SYT1: variants seen among roughly 807,000 people sequenced by gnomAD.
SYT1 encodes synaptotagmin 1, also known as synaptotagmin-1.
A neutral mutation model predicts 44.8 loss-of-function variants in SYT1; 8 were observed. The ratio of observed to expected loss-of-function variants is 0.18; its 90% CI spans 0.10 to 0.32. The LOEUF is 0.32. Ranked by LOEUF, SYT1 falls within the 10% of genes least tolerant of loss-of-function variation. The pLI is 1.00. For synonymous variants in SYT1, 154 were observed against 188.8 expected (o/e 0.82, Z 1.51); for missense variants, 286 against 509.3 (o/e 0.56, Z 4.22).
intron 2 of SYT1, among the ~76,000 whole-genome samples, chr12:78,986,960 T>C (rs748819503): frequency 1.3e-5 from 2 of 152,018 alleles, no homozygotes; most frequent in African/African-American, 2.4e-5. Flanking sequence ...AATACTAAAG[T>C]TTTATGAAGC....
intron 8 of SYT1, among the ~76,000 whole-genome samples, chr12:79,320,017 T>G (rs1294968898): frequency 6.6e-6 from 1 of 152,236 alleles, no homozygotes; most frequent in East Asian, 1.9e-4. Flanking sequence ...GAAATGTCTT[T>G]GCAAAGTAAA....
chr12:79,009,631 G>T (rs968544386), intron 2 of SYT1, among the ~76,000 whole-genome samples: 1 of 152,100 alleles, frequency 6.6e-6, no homozygotes, highest in Admixed American at 6.6e-5. Flanking sequence ...GGCTTAGAAA[G>T]GTTAAACATT....
intron 1 of SYT1, among the ~76,000 whole-genome samples, chr12:78,905,898 A>T (rs1875954127): frequency 6.6e-6 from 1 of 152,040 alleles, no homozygotes; most frequent in Non-Finnish European, 1.5e-5. Context: ...AGCATCAAGG[A>T]AGTTTTTTCC....
intron 9 of SYT1, among the ~76,000 whole-genome samples, chr12:79,366,891 ATACTGTG>A (rs1179547687): frequency 8.0e-6 from 1 of 125,368 alleles, no homozygotes; most frequent in Non-Finnish European, 1.8e-5. Flanking sequence ...GATATAAATA[ATACTGTG>A]TGTGTGTGTG....
intron 3 of SYT1, among the ~76,000 whole-genome samples, chr12:79,116,610 C>A (rs868299943): frequency 1.3e-5 from 2 of 152,294 alleles, no homozygotes; most frequent in African/African-American, 4.8e-5. Flanking sequence ...ATGCTTTGTT[C>A]ACTTTTACCA....
chr12:79,031,762 A>T (rs1398856054), intron 2 of SYT1, among the ~76,000 whole-genome samples: 1 of 151,106 alleles, frequency 6.6e-6, no homozygotes, highest in African/African-American at 2.4e-5. Context: ...GAGACATAGA[A>T]TAAGATATAA....
At chr12:79,045,646 T>TG (rs1202684154) in intron 2 of SYT1, 1 of 152,296 alleles carries the variant, frequency 6.6e-6, no homozygotes, top group African/African-American at 2.4e-5. Flanking sequence ...GGCTCCTCCC[T>TG]GATTCTACCA....
intron 1 of SYT1, among the ~76,000 whole-genome samples, chr12:78,908,415 T>C (rs1279375430): frequency 6.6e-6 from 1 of 151,766 alleles, no homozygotes; most frequent in Admixed American, 6.6e-5. Flanking sequence ...TTTCTAAATA[T>C]AATGTTACCT....
chr12:79,137,319 C>T (rs1456358588), intron 3 of SYT1, among the ~76,000 whole-genome samples: 13 of 152,252 alleles, frequency 8.5e-5, no homozygotes, highest in Admixed American at 7.2e-4. Context: ...TGGTCTCGAA[C>T]TCCTGGCCTC....
chr12:79,289,151 T>A (rs1032711142), intron 5 of SYT1, among the ~76,000 whole-genome samples: 2 of 152,230 alleles, frequency 1.3e-5, no homozygotes, highest in Non-Finnish European at 2.9e-5. Context: ...ATGCTCCTTT[T>A]GATGGTTGCA....
intron 1 of SYT1, among the ~76,000 whole-genome samples, chr12:78,949,529 T>C (rs918222895): frequency 1.3e-5 from 2 of 151,576 alleles, no homozygotes; most frequent in Non-Finnish European, 3.0e-5. Context: ...TCAAATACCA[T>C]TGCATTTATA....
At chr12:79,148,410 T>G (rs1331957674) in intron 3 of SYT1, among the ~76,000 whole-genome samples, 1 of 152,170 alleles carries the variant, frequency 6.6e-6, no homozygotes, top group Non-Finnish European at 1.5e-5. Context: ...CAATGTTAAA[T>G]TGCTATCTGG....
intron 9 of SYT1, among the ~76,000 whole-genome samples, chr12:79,388,672 C>T (rs904499142): frequency 5.9e-5 from 9 of 152,142 alleles, no homozygotes; most frequent in African/African-American, 2.2e-4. Context: ...GATCGTACCA[C>T]TGCACTCCAG....
intron 1 of SYT1, among the ~76,000 whole-genome samples, chr12:78,908,608 A>G (rs1317753671): frequency 6.6e-6 from 1 of 151,902 alleles, no homozygotes; most frequent in East Asian, 1.9e-4. Context: ...TATTTTCCCC[A>G]AACACTAAAA....
intron 3 of SYT1, among the ~76,000 whole-genome samples, chr12:79,154,919 A>G (rs1305460701): frequency 6.6e-6 from 1 of 152,170 alleles, no homozygotes; most frequent in East Asian, 1.9e-4. Flanking sequence ...CTACCAAGAA[A>G]CATATGAAAG....
chr12:79,397,693 A>G (rs1273982405), intron 9 of SYT1, among the ~76,000 whole-genome samples: 1 of 152,232 alleles, frequency 6.6e-6, no homozygotes, highest in East Asian at 1.9e-4. Flanking sequence ...TGATGACCTA[A>G]GTCTTACAAA....
chr12:79,408,519 G>C (rs1868314864), intron 9 of SYT1, among the ~76,000 whole-genome samples: 1 of 152,134 alleles, frequency 6.6e-6, no homozygotes, highest in African/African-American at 2.4e-5. Flanking sequence ...TTCAGCCCAT[G>C]CTTTCATGTG....
At chr12:79,407,817 T>C (rs539516472) in intron 9 of SYT1, among the ~76,000 whole-genome samples, 5 of 152,246 alleles carry the variant, frequency 3.3e-5, no homozygotes, top group Admixed American at 3.3e-4. Flanking sequence ...GTGGCTGTCC[T>C]TACTCTGGTA....
intron 3 of SYT1, among the ~76,000 whole-genome samples, chr12:79,062,639 A>G (rs996659444): frequency 6.6e-6 from 1 of 152,194 alleles, no homozygotes; most frequent in African/African-American, 2.4e-5. Flanking sequence ...ATGGTGACTG[A>G]AACTTGAAAT....
Sources: gnomAD v4.1 joint callset for allele counts (sites outside exome capture counted in the v4.1 genomes callset) on GRCh38, gnomAD v4.1.1 for gene constraint, MANE v1.5 for transcripts, NCBI Gene and HGNC (gene_info 2026-07-23, HGNC 2026-07-21) for gene names.